The following SYCP1 variants were observed in gnomAD, a reference collection of about 807,000 sequenced individuals.
SYCP1 encodes the protein synaptonemal complex protein 1, also known as cancer/testis antigen 8.
In SYCP1, 64 loss-of-function variants were observed where a neutral mutation model predicts 153.1. The ratio of observed to expected loss-of-function variants is 0.42; its 90% CI spans 0.34 to 0.51. The LOEUF is 0.51. Among genes scored for constraint, SYCP1 ranks in the 20% least tolerant of loss-of-function variants. The probability of loss-of-function intolerance (pLI) is 0.06; values close to 1 mark genes in which losing one functional copy is unlikely to be tolerated. For synonymous variants in SYCP1, 384 were observed against 341.8 expected (o/e 1.12, Z -1.36); for missense variants, 997 against 1,049.0 (o/e 0.95, Z 0.68).
chr1:114,859,831 T>C (rs754115010), intron 7 of SYCP1, 21 bp downstream of exon 7: 5 of 662,208 alleles, frequency 7.6e-6, no homozygotes, highest in Non-Finnish European at 1.1e-5. Flanking sequence ...ATTTAATGAA[T>C]TTGTTCTTTT....
At position 114,995,166 on chromosome 1, in the gene SYCP1, G is replaced by A. The variant is rs1674200366; in HGVS notation, c.*147G>A. 1.3e-6 allele frequency: 1 copy of A among 773,814 alleles called. No individual in the cohort carries two copies. The highest frequency in any genetic ancestry group is 1.9e-6 in the Non-Finnish European group (1 of 524,680). 47.9% of individuals were successfully genotyped at this position (773,814 alleles called of 1,614,324 possible). A position where few individuals can be genotyped will look rare whatever the true frequency, so the allele number is the denominator to read the frequency against. On this transcript the variant is annotated 3_prime_UTR_variant, in exon 32 of 32. Transcript: ENST00000369522. ...TGATTTGTGTTTCTTTATATTTTTA[G>A]CCTAAATGTTAACTACATATTGTCT...
At chr1:114,910,264 C>T in intron 16 of SYCP1, 133 bp from the exon 17 acceptor site, 3 of 557,940 alleles carry the variant, frequency 5.4e-6, no homozygotes, top group Non-Finnish European at 3.2e-6. Flanking sequence ...TTAATATTGA[C>T]TAATTTTCTC....
At position 114,910,417 on chromosome 1, in the gene SYCP1, A is replaced by G. The variant is rs1331654838; in HGVS notation, c.1341A>G (p.Leu447=). The G allele has an allele frequency of 6.3e-7, 1 of 1,598,022 alleles. No individual in the cohort carries two copies. The highest frequency in any genetic ancestry group is 1.3e-5 in the African/African-American group (1 of 74,234). ...KKVLGEKETL[L]YENKQFEKIA... is the part of the protein sequence containing the mutation. ...AATAGGGAGAAAAGGAAACACTTTT[A>G]TATGAAAATAAACAATTTGAGAAGA... is the stretch of plus-strand genomic sequence containing the variant. Residue 447 remains leucine, a synonymous_variant, in exon 17 of 32, where the codon TTA becomes TTG. Coordinates refer to ENST00000369522, the MANE Select transcript of SYCP1 (RefSeq NM_003176.4).
chr1:114,989,950 A>G (rs1380618345), intron 30 of SYCP1, among the ~76,000 whole-genome samples: 3 of 151,968 alleles, frequency 2.0e-5, no homozygotes, highest in African/African-American at 7.2e-5. Flanking sequence ...TAGAACAACC[A>G]GACAGAAGAT....
intron 3 of SYCP1, among the ~76,000 whole-genome samples, chr1:114,856,882 T>C (rs1663982242): frequency 1.7e-5 from 2 of 119,754 alleles, no homozygotes; most frequent in Non-Finnish European, 3.2e-5. Flanking sequence ...GCCAGGTGTT[T>C]GAGACCAGCC....
rs202028039 is a variant in SYCP1, at chr1:114,857,494, G to A, written c.288G>A (p.Leu96=). The change falls in exon 5 of 32, where the codon TTG becomes TTA. Residue 96 remains leucine (L), a synonymous_variant. Transcript: ENST00000369522. The stretch of plus-strand genomic sequence containing the variant: ...AGGAAGGACTAAAAGACTCTGATTT[G>A]GAGGTCAGAAGATTTCCCATTCATA... ...HYQEGLKDSD[L]ENSEGLSRVY... 6.3e-7 allele frequency: 1 copy of A among 1,595,340 alleles called. No individual in the cohort carries two copies. Among genetic ancestry groups the A allele is most frequent in the East Asian group, 2.2e-5 (1 of 44,562 alleles).
At chr1:114,857,198 G>T in intron 3 of SYCP1, 34 bp from the exon 4 acceptor site, 1 of 1,450,276 alleles carries the variant, frequency 6.9e-7, no homozygotes, top group Non-Finnish European at 9.2e-7. Context: ...AAAGATGTTG[G>T]CGTATTTAAT....
At chr1:114,967,267 A>G (rs1428930976) in intron 27 of SYCP1, among the ~76,000 whole-genome samples, 1 of 152,166 alleles carries the variant, frequency 6.6e-6, no homozygotes, top group African/African-American at 2.4e-5. Context: ...TAATATTGAC[A>G]GTGGAGTGTT....
At chr1:114,885,424 T>C in intron 12 of SYCP1, 111 bp from the exon 13 acceptor site, 1 of 600,512 alleles carries the variant, frequency 1.7e-6, no homozygotes, top group South Asian at 2.1e-5. Flanking sequence ...TTTCTTCTCA[T>C]TTTGGACTAT....
At chr1:114,857,359 G>A in intron 4 of SYCP1, 84 bp downstream of exon 4, 10 of 1,516,604 alleles carry the variant, frequency 6.6e-6, no homozygotes, top group Non-Finnish European at 8.1e-6. Context: ...TTTAGTTATT[G>A]CATTACTAGT....
At chr1:114,970,822 G>A (rs555349002) in intron 27 of SYCP1, among the ~76,000 whole-genome samples, 34 of 152,342 alleles carry the variant, frequency 2.2e-4, no homozygotes, top group African/African-American at 7.9e-4. Flanking sequence ...TGGCAGGGCA[G>A]TGAAGCAGAC....
chr1:114,913,877 A>C (rs1668340628), intron 19 of SYCP1, 98 bp from the exon 20 acceptor site: 9 of 908,872 alleles, frequency 9.9e-6, no homozygotes, highest in Admixed American at 3.5e-5. Context: ...TATATAACTA[A>C]ATAAATTTTA....
Position 114,977,605 on chromosome 1 carries a change from A to G in SYCP1, c.2371A>G (p.Lys791Glu). Residue 791 changes from lysine to glutamate, a missense_variant, in exon 28 of 32, where the codon AAA (lysine) becomes GAA (glutamate). Around this residue, in one of 2 missense-constraint regions of SYCP1, gnomAD observed 712 missense variants for 682.9 expected, o/e 1.04. Coordinates refer to ENST00000369522, the MANE Select transcript of SYCP1 (RefSeq NM_003176.4). The part of the protein sequence containing the change: ...AKENTATLKE[K>E]KDKKTQTFLL... ...AGAAAACACAGCTACTCTTAAAGAA[A>G]AAAAAGACAAGGTAAGAGCATATAA... 6.6e-7 allele frequency: 1 copy of G among 1,507,178 alleles called. No individual in the cohort carries two copies. The highest frequency in any genetic ancestry group is 8.9e-7 in the Non-Finnish European group (1 of 1,122,860). The allele number at this position is 1,507,178 out of a possible 1,614,324, so 93.4% of individuals were successfully genotyped here. A position where few individuals can be genotyped will look rare whatever the true frequency, so the allele number is the denominator to read the frequency against.
At chr1:114,862,865 A>G (rs1473938070) in intron 8 of SYCP1, 1 of 151,706 alleles carries the variant, frequency 6.6e-6, no homozygotes, top group East Asian at 1.9e-4. Flanking sequence ...TCTTTTTGTT[A>G]TTGTGCTTTT....
intron 11 of SYCP1, 70 bp downstream of exon 11, chr1:114,876,880 G>C: frequency 1.2e-6 from 1 of 834,718 alleles, no homozygotes; most frequent in South Asian, 4.2e-5. Flanking sequence ...AATTTCAAAA[G>C]AAGTTTATAT....
chr1:114,938,075 C>G (rs1670138586), intron 23 of SYCP1, among the ~76,000 whole-genome samples: 1 of 152,144 alleles, frequency 6.6e-6, no homozygotes, highest in South Asian at 2.1e-4. Context: ...ATAAATCATG[C>G]TGCTATAAAG....
intron 27 of SYCP1, among the ~76,000 whole-genome samples, chr1:114,970,987 T>G (rs1423496321): frequency 2.6e-5 from 4 of 152,146 alleles, no homozygotes; most frequent in Non-Finnish European, 4.4e-5. Context: ...TCCCCTTCCT[T>G]GGAGTAGGGT....
rs1668299812 is a variant in SYCP1 at position 114,913,234 on chromosome 1, C to T, written c.1647+84C>T. ...AGATGACCTCTAAAGACCCTTTGAC[C>T]TTTAAAGTCTGATTGCTTTAGAGCT... On this transcript the variant is annotated intron_variant, in intron 19 of 31. Transcript: ENST00000369522. 8 of 1,084,722 alleles carry T rather than the reference C, an allele frequency of 7.4e-6. No homozygotes were observed. In the Admixed American group the frequency reaches 9.5e-5, roughly 13 times the overall value. The allele number at this position is 1,084,722 out of a possible 1,614,324, so 67.2% of individuals were successfully genotyped here.
intron 30 of SYCP1, among the ~76,000 whole-genome samples, chr1:114,987,443 G>T (rs1331052902): frequency 6.6e-6 from 1 of 152,136 alleles, no homozygotes; most frequent in South Asian, 2.1e-4. Flanking sequence ...AAGGTAGGAA[G>T]GTTTCTTGAG....
Sources: allele counts gnomAD v4.1 joint callset (sites outside exome capture counted in the v4.1 genomes callset), GRCh38; gene constraint gnomAD v4.1.1; regional missense constraint gnomAD v4.1.1; transcripts MANE v1.5; gene names NCBI Gene and HGNC (gene_info 2026-07-23, HGNC 2026-07-21).